The following TCF25 variants were observed in gnomAD, a reference collection of about 807,000 sequenced individuals.
TCF25 encodes TCF25 ribosome quality control complex subunit.
Under a neutral mutation model 83.1 loss-of-function variants are expected in TCF25, and 41 were observed. The ratio of observed to expected loss-of-function variants is 0.49; its 90% CI spans 0.38 to 0.64. The LOEUF is 0.64. TCF25 is among the 30% of genes least tolerant of loss of function. The pLI, the probability that TCF25 is intolerant of heterozygous loss-of-function variation, is 0.00. For synonymous variants in TCF25, 458 were observed against 365.0 expected (o/e 1.25, Z -2.90); for missense variants, 979 against 914.5 (o/e 1.07, Z -0.91).
At chr16:89,888,875 CG>C (rs2043213488) in intron 5 of TCF25, among the ~76,000 whole-genome samples, 1 of 134,750 alleles carries the variant, frequency 7.4e-6, no homozygotes. Flanking sequence ...TTAGTAGAGA[CG>C]GGGCTTCACC....
intron 13 of TCF25, chr16:89,904,567 G>A (rs934691322): frequency 2.7e-5 from 13 of 488,466 alleles, no homozygotes; most frequent in Non-Finnish European, 4.9e-5. Context: ...GTGATGGTGA[G>A]ACCCCGTCTC....
chr16:89,895,031 C>G lies in TCF25; in HGVS notation c.829-7C>G. ...CTTTCCTCCAGGGCTGTCCTCCCTT[C>G]TGGTAGGTTCTGCTCCAGACGAGCC... On this transcript the variant is annotated splice_polypyrimidine_tract_variant and splice_region_variant and intron_variant, in intron 7 of 17. Transcript: ENST00000263346. 1 of 1,612,174 alleles carries G rather than the reference C, an allele frequency of 6.2e-7. No homozygotes were observed. Among genetic ancestry groups the G allele is most frequent in the Non-Finnish European group, 8.5e-7 (1 of 1,178,882 alleles).
chr16:89,879,219 C>T (rs923540141), intron 1 of TCF25, among the ~76,000 whole-genome samples: 6 of 151,038 alleles, frequency 4.0e-5, no homozygotes, highest in South Asian at 2.1e-4. Flanking sequence ...AGATGGGCTT[C>T]GGGGCCTGTC....
At chr16:89,903,131 C>T (rs1165209471) in intron 12 of TCF25, among the ~76,000 whole-genome samples, 1 of 152,270 alleles carries the variant, frequency 6.6e-6, no homozygotes, top group Non-Finnish European at 1.5e-5. Context: ...AGGCCCTGTC[C>T]TTTGTGGCAG....
At position 89,903,144 on chromosome 16, in the gene TCF25, C is replaced by G. The variant is rs1597368971; in HGVS notation, c.1382-974C>G. Among the ~76,000 whole-genome samples the G allele has an allele frequency of 2.6e-5, 4 of 152,370 alleles. No homozygotes were observed. In the South Asian group the frequency reaches 8.3e-4, roughly 32 times the overall value. On this transcript the variant is annotated intron_variant, in intron 12 of 17. Transcript: ENST00000263346. ...GGAGGCCCTGTCCTTTGTGGCAGAG[C>G]TGTGCTGCTGTGTCACAGGCTGTAG...
intron 16 of TCF25, chr16:89,909,045 C>T (rs1345464294): frequency 7.8e-6 from 10 of 1,289,434 alleles, no homozygotes; most frequent in Admixed American, 6.9e-5. Flanking sequence ...CCCATCTCCA[C>T]CGAATGTACA....
intron 4 of TCF25, among the ~76,000 whole-genome samples, chr16:89,886,766 AAAG>A (rs1296797272): frequency 2.0e-5 from 3 of 151,544 alleles, no homozygotes; most frequent in Admixed American, 6.6e-5. Context: ...GTCTCAAAAA[AAAG>A]AAAAAAAAAA....
At chr16:89,908,830 C>G in intron 16 of TCF25, 1 of 859,404 alleles carries the variant, frequency 1.2e-6, no homozygotes, top group Non-Finnish European at 1.5e-6. Flanking sequence ...CAGCTCCCAG[C>G]TCCCACCTCG....
chr16:89,904,237 G>T (rs1014216780), intron 13 of TCF25, 32 bp downstream of exon 13: 7 of 1,550,906 alleles, frequency 4.5e-6, no homozygotes, highest in Non-Finnish European at 5.2e-6. Flanking sequence ...CCATCTGTGG[G>T]TGCCTGTGGG....
At chr16:89,896,514 CTG>C (rs1279303718) in intron 9 of TCF25, among the ~76,000 whole-genome samples, 1 of 150,766 alleles carries the variant, frequency 6.6e-6, no homozygotes, top group Non-Finnish European at 1.5e-5. Flanking sequence ...CAAGACCAGT[CTG>C]AGCACCGTGG....
chr16:89,887,858 G>A, intron 5 of TCF25, 141 bp downstream of exon 5: 3 of 679,636 alleles, frequency 4.4e-6, no homozygotes, highest in Non-Finnish European at 6.9e-6. Flanking sequence ...TTAGAATTGG[G>A]GTCTGAATGG....
intron 16 of TCF25, among the ~76,000 whole-genome samples, chr16:89,907,641 G>T (rs1242469860): frequency 3.5e-5 from 1 of 28,852 alleles, no homozygotes; most frequent in Admixed American, 4.3e-4. Context: ...CCTCATCCTA[G>T]TTCCCACCTC....
intron 1 of TCF25, among the ~76,000 whole-genome samples, chr16:89,878,094 G>C (rs555450577): frequency 6.6e-6 from 1 of 151,446 alleles, no homozygotes; most frequent in South Asian, 2.1e-4. Flanking sequence ...CCTGGGCAAT[G>C]TGGCAAAACC....
rs377244297 is a variant in TCF25 at position 89,883,564 on chromosome 16, A to G, written c.354+52A>G. 1.4e-4 allele frequency: 209 copies of G among 1,534,680 alleles called. 1 individual carries two copies. The South Asian group carries it at 1.4e-3, about 10-fold the overall frequency. On this transcript the variant is annotated intron_variant, in intron 2 of 17. Transcript: ENST00000263346. ...GCATCAGACGGGAGAGTTCCAAGGC[A>G]CCCAGCCACGTGTATCCTGTGCTGT...
intron 1 of TCF25, among the ~76,000 whole-genome samples, chr16:89,878,184 A>T (rs2042330590): frequency 6.6e-6 from 1 of 152,002 alleles, no homozygotes; most frequent in Admixed American, 6.6e-5. Context: ...GGAGGCTGAG[A>T]CGGGAGGATG....
At chr16:89,893,438 C>T (rs1047911742) in intron 6 of TCF25, among the ~76,000 whole-genome samples, 1 of 152,212 alleles carries the variant, frequency 6.6e-6, no homozygotes, top group Admixed American at 6.5e-5. Flanking sequence ...GTGTCCTTGT[C>T]CCTGACATTC....
At chr16:89,886,232 C>G (rs1486849265) in intron 4 of TCF25, 1 of 407,116 alleles carries the variant, frequency 2.5e-6, no homozygotes, top group Non-Finnish European at 4.7e-6. Flanking sequence ...TCGAGACCAT[C>G]CTGGCTAACA....
intron 9 of TCF25, among the ~76,000 whole-genome samples, chr16:89,898,108 C>CAA (rs34317886): frequency 8.3e-4 from 96 of 115,268 alleles, no homozygotes; most frequent in African/African-American, 2.5e-3. Flanking sequence ...GACTCCGTCT[C>CAA]AAAAAAAAAA....
Position 89,878,680 on chromosome 16 carries a change from G to T in TCF25, c.193-4671G>T, listed in dbSNP as rs891339075. The T allele has an allele frequency of 4.7e-6, 5 of 1,054,572 alleles. No homozygotes were observed. In the Admixed American group the frequency reaches 1.6e-4, roughly 33 times the overall value. The allele number at this position is 1,054,572 out of a possible 1,614,324, so 65.3% of individuals were successfully genotyped here. A position where few individuals can be genotyped will look rare whatever the true frequency, so the allele number is the denominator to read the frequency against. ...TTTTGAGACGGAGTCTTGCGCTGTC[G>T]CCCAGGCTGGAGTGCAGTGGCACCA... On this transcript the variant is annotated intron_variant, in intron 1 of 17. Transcript: ENST00000263346.
Sources: allele counts gnomAD v4.1 joint callset (sites outside exome capture counted in the v4.1 genomes callset), GRCh38; gene constraint gnomAD v4.1.1; transcripts MANE v1.5; gene names NCBI Gene and HGNC (gene_info 2026-07-23, HGNC 2026-07-21).